The following ABCA10 variants were observed in gnomAD, a reference collection of about 807,000 sequenced individuals.
ABCA10 encodes ATP-binding cassette sub-family A member 10.
ABCA10 carries 169 observed loss-of-function variants against 187.5 expected under a neutral mutation model. The observed-to-expected ratio is 0.90, with a 90% CI of 0.80 to 1.02. The LOEUF (loss-of-function observed/expected upper bound fraction) is 1.02, where lower values mean the gene tolerates loss of function less well. Among genes scored for constraint, ABCA10 ranks in the 50% least tolerant of loss-of-function variants. The pLI is 0.00. For missense variants in ABCA10, 1,727 were observed against 1,812.4 expected (o/e 0.95, Z 0.86); for synonymous variants, 574 against 601.8 (o/e 0.95, Z 0.68).
intron 10 of ABCA10, among the ~76,000 whole-genome samples, chr17:69,198,175 A>G (rs949120302): frequency 6.6e-6 from 1 of 152,154 alleles, no homozygotes; most frequent in African/African-American, 2.4e-5. Context: ...AACTTTATAA[A>G]TCTATTTGAA....
At chr17:69,167,007 T>C (rs1568053299) in intron 25 of ABCA10, among the ~76,000 whole-genome samples, 1 of 152,164 alleles carries the variant, frequency 6.6e-6, no homozygotes, top group South Asian at 2.1e-4. Context: ...AGGGAAAAGA[T>C]AAACACCAAT....
intron 9 of ABCA10, among the ~76,000 whole-genome samples, chr17:69,208,420 A>C (rs1360028648): frequency 5.2e-5 from 1 of 19,216 alleles, no homozygotes; most frequent in East Asian, 5.3e-4. Context: ...TCTGTCTCAA[A>C]AAAAAAAAAA....
Position 69,193,966 on chromosome 17 carries a change from G to A in ABCA10, c.1369C>T (p.Gln457Ter), listed in dbSNP as rs1232958056. Residue 457 changes from glutamine to a stop codon, truncating the protein, a stop_gained, in exon 13 of 39, where the codon CAA becomes TAA. Coordinates refer to ENST00000690296, the MANE Select transcript of ABCA10 (RefSeq NM_001377321.1). LOFTEE classifies it high-confidence loss of function. ...TCCATGTCAGTTATTTCAGAGAGTTGAGTATTATAAATAGTGGCTGATCCT... is the reference window on the plus strand; with the variant it reads ...TCCATGTCAGTTATTTCAGAGAGTTAAGTATTATAAATAGTGGCTGATCCT... ...TEGSATIYNT[Q>*]LSEITDMEEI... 24 of 1,603,194 alleles carry A rather than the reference G, an allele frequency of 1.5e-5. No homozygotes were observed. Among genetic ancestry groups the A allele is most frequent in the Non-Finnish European group, 2.0e-5 (23 of 1,176,306 alleles).
chr17:69,155,560 G>T (rs2074167395), intron 29 of ABCA10, among the ~76,000 whole-genome samples: 1 of 152,114 alleles, frequency 6.6e-6, no homozygotes. Context: ...AAAAATTCGA[G>T]AACTTGTTGA....
At chr17:69,182,395 T>C in intron 21 of ABCA10, 105 bp from the exon 22 acceptor site, 1 of 1,071,342 alleles carries the variant, frequency 9.3e-7, no homozygotes, top group Non-Finnish European at 1.2e-6. Context: ...AAGGAGACTA[T>C]TAATTTTTCT....
intron 30 of ABCA10, 31 bp from the exon 31 acceptor site, chr17:69,154,357 A>C: frequency 2.0e-6 from 3 of 1,519,996 alleles, no homozygotes; most frequent in Non-Finnish European, 2.7e-6. Flanking sequence ...CAATATTTGA[A>C]TTTTCAAGGT....
chr17:69,163,889 A>G (rs2074236623), intron 27 of ABCA10, among the ~76,000 whole-genome samples, 185 bp downstream of exon 27: 1 of 152,176 alleles, frequency 6.6e-6, no homozygotes, highest in Non-Finnish European at 1.5e-5. Context: ...ATGTTCTAGT[A>G]TGTATTATAT....
chr17:69,202,073 G>A (rs1371495811), intron 9 of ABCA10, among the ~76,000 whole-genome samples: 4 of 152,112 alleles, frequency 2.6e-5, no homozygotes, highest in South Asian at 4.1e-4. Flanking sequence ...GTGAGCCACC[G>A]TGCCCGGCTA....
At chr17:69,162,832 C>CAT (rs1169829429) in intron 27 of ABCA10, among the ~76,000 whole-genome samples, 1 of 63,984 alleles carries the variant, frequency 1.6e-5, no homozygotes, top group Non-Finnish European at 3.3e-5. Flanking sequence ...TATACATATA[C>CAT]ATATACATAT....
chr17:69,153,966 T>C lies in ABCA10; in HGVS notation c.3830A>G (p.Asp1277Gly). Residue 1277 changes from aspartate to glycine, a missense_variant, in exon 32 of 39, where the codon GAC becomes GGC. By Grantham distance (94) the Asp-to-Gly change is moderately conservative. Transcript: ENST00000690296. ...GSRASVRQQH[D>G]NSLKFLGYCP... ...GTACCCCAAGAACTTGAGGCTGTTG[T>C]CATGCTGTTGCCTTACTGATGCTCT... 1.2e-6 allele frequency: 2 copies of C among 1,614,080 alleles called. No individual in the cohort carries two copies. Among genetic ancestry groups the C allele is most frequent in the South Asian group, 1.1e-5 (1 of 91,076 alleles).
intron 5 of ABCA10, among the ~76,000 whole-genome samples, chr17:69,221,021 T>C (rs909394491): frequency 2.0e-5 from 3 of 152,142 alleles, no homozygotes; most frequent in Non-Finnish European, 4.4e-5. Context: ...AGTACGGGAA[T>C]AAATGAGACC....
At chr17:69,221,967 T>C (rs2074751837) in intron 4 of ABCA10, 72 bp from the exon 5 acceptor site, 1 of 1,198,352 alleles carries the variant, frequency 8.3e-7, no homozygotes, top group African/African-American at 1.6e-5. Flanking sequence ...ACTTTAACTT[T>C]GGCTCAAAAA....
In ABCA10 at chr17:69,185,578, C is replaced by A; in HGVS notation, c.2396G>T (p.Arg799Leu). The change falls in exon 20 of 39, where the codon CGT (arginine) becomes CTT (leucine). Residue 799 changes from arginine to leucine, a missense_variant. Arg to Leu is a moderately radical substitution (Grantham distance 102). Coordinates refer to ENST00000690296, the MANE Select transcript of ABCA10 (RefSeq NM_001377321.1). ...ILEKIMYKVT[R>L]ETHCWEFSPS... ...TGAAAACTCCCAACAATGAGTTTCA[C>A]GAGTTACTTTATACATTATCTTCTC... 1.2e-6 allele frequency: 2 copies of A among 1,612,830 alleles called. No homozygotes were observed. The highest frequency in any genetic ancestry group is 1.7e-6 in the Non-Finnish European group (2 of 1,179,080).
intron 28 of ABCA10, among the ~76,000 whole-genome samples, chr17:69,156,239 T>C (rs1226140548): frequency 6.6e-6 from 1 of 152,176 alleles, no homozygotes; most frequent in East Asian, 1.9e-4. Flanking sequence ...ATGACCACAT[T>C]CCTCATAAAA....
At chr17:69,211,068 G>A (rs574765144) in intron 9 of ABCA10, among the ~76,000 whole-genome samples, 75 of 150,528 alleles carry the variant, frequency 5.0e-4, no homozygotes, top group African/African-American at 1.6e-3. Flanking sequence ...AAAACAGTAC[G>A]GAGATTCCTT....
chr17:69,197,188 T>C (rs2074512363), intron 10 of ABCA10, 66 bp from the exon 11 acceptor site: 1 of 1,283,178 alleles, frequency 7.8e-7, no homozygotes, highest in South Asian at 1.3e-5. Flanking sequence ...AGATTACAGT[T>C]CATAACTAAG....
chr17:69,194,338 A>G (rs758647798), intron 12 of ABCA10, 47 bp downstream of exon 12: 1 of 1,484,472 alleles, frequency 6.7e-7, no homozygotes, highest in South Asian at 1.1e-5. Context: ...AAACCAATTT[A>G]CAACTTGCTT....
At chr17:69,164,517 C>G (rs1179577770) in intron 26 of ABCA10, among the ~76,000 whole-genome samples, 2 of 152,070 alleles carry the variant, frequency 1.3e-5, no homozygotes, top group African/African-American at 4.8e-5. Flanking sequence ...TTTTCTTTCC[C>G]TCACTCACAA....
chr17:69,198,457 C>T (rs1255599652), intron 10 of ABCA10, among the ~76,000 whole-genome samples: 1 of 152,178 alleles, frequency 6.6e-6, no homozygotes, highest in Non-Finnish European at 1.5e-5. Flanking sequence ...GTGAGCCAAG[C>T]ATATACGCAG....
Sources: gnomAD v4.1 joint callset for allele counts (sites outside exome capture counted in the v4.1 genomes callset) on GRCh38, gnomAD v4.1.1 for gene constraint, MANE v1.5 for transcripts, NCBI Gene and HGNC (gene_info 2026-07-23, HGNC 2026-07-21) for gene names.